SENP7: variants seen among roughly 807,000 people sequenced by gnomAD.
SENP7 encodes the protein SUMO specific peptidase 7.
A neutral mutation model predicts 141.2 loss-of-function variants in SENP7; 64 were observed. The ratio of observed to expected loss-of-function variants is 0.45; its 90% CI spans 0.37 to 0.56. SENP7 has a LOEUF of 0.56. Ranked by LOEUF, SENP7 falls within the 20% of genes least tolerant of loss-of-function variation. The pLI is 0.00. For missense variants in SENP7, 1,025 were observed against 1,212.2 expected (o/e 0.85, Z 2.29); for synonymous variants, 382 against 426.4 (o/e 0.90, Z 1.28).
intron 3 of SENP7, among the ~76,000 whole-genome samples, chr3:101,460,834 C>T (rs1197209018): frequency 6.6e-6 from 1 of 152,072 alleles, no homozygotes; most frequent in East Asian, 1.9e-4. Flanking sequence ...CAATGGCTCA[C>T]ACCTGTAATC....
intron 6 of SENP7, among the ~76,000 whole-genome samples, chr3:101,391,163 C>A (rs2060804449): frequency 1.3e-5 from 2 of 151,144 alleles, no homozygotes; most frequent in South Asian, 4.2e-4. Flanking sequence ...AATAAACAAC[C>A]AAATGATGCA....
intron 4 of SENP7, among the ~76,000 whole-genome samples, chr3:101,456,912 C>T (rs949434143): frequency 1.3e-5 from 2 of 151,264 alleles, no homozygotes; most frequent in African/African-American, 4.8e-5. Context: ...CAGGTGTGAG[C>T]CACTGCGCCT....
At chr3:101,445,768 T>C (rs1329640370) in intron 4 of SENP7, among the ~76,000 whole-genome samples, 1 of 152,138 alleles carries the variant, frequency 6.6e-6, no homozygotes, top group Non-Finnish European at 1.5e-5. Flanking sequence ...AAATAGACAT[T>C]CAGTCAAAAA....
chr3:101,423,677 C>A lies in SENP7; in HGVS notation c.285-5887G>T, dbSNP rs375608412. On this transcript the variant is annotated intron_variant, in intron 4 of 23. Coordinates refer to ENST00000394095, the MANE Select transcript of SENP7 (RefSeq NM_020654.5). Reference sequence around the variant, plus strand: ...TCCTAATAGATCTTCAGAGGGAAGGCACAGAGACTGGATGGAGGGAAGACA... The same window carrying A: ...TCCTAATAGATCTTCAGAGGGAAGGAACAGAGACTGGATGGAGGGAAGACA... 5.9e-5 allele frequency among the ~76,000 whole-genome samples: 9 copies of A among 152,208 alleles called. No homozygotes were observed. In the South Asian group the frequency reaches 1.7e-3, roughly 28 times the overall value.
At chr3:101,454,798 T>C (rs1184515953) in intron 4 of SENP7, among the ~76,000 whole-genome samples, 1 of 152,166 alleles carries the variant, frequency 6.6e-6, no homozygotes, top group Admixed American at 6.5e-5. Flanking sequence ...AATCAAATCT[T>C]ATAGAGACAG....
chr3:101,508,766 C>A (rs1030179404), intron 1 of SENP7, among the ~76,000 whole-genome samples: 6 of 152,106 alleles, frequency 3.9e-5, no homozygotes, highest in Non-Finnish European at 8.8e-5. Context: ...AAATTAAACT[C>A]ATTTTTCTTC....
intron 2 of SENP7, among the ~76,000 whole-genome samples, chr3:101,494,395 C>T (rs1213647334): frequency 6.6e-6 from 1 of 152,126 alleles, no homozygotes; most frequent in Non-Finnish European, 1.5e-5. Context: ...TACAAAACTA[C>T]AACCCAACCA....
intron 19 of SENP7, among the ~76,000 whole-genome samples, chr3:101,331,482 A>T (rs1299972601): frequency 1.3e-5 from 2 of 151,406 alleles, no homozygotes; most frequent in Non-Finnish European, 2.9e-5. Context: ...AAAAAAAAAA[A>T]AAAGTATGTT....
rs2060041359 is a variant in SENP7 at position 101,366,512 on chromosome 3, A to G, written c.1236T>C (p.Asp412=). The G allele has an allele frequency of 6.2e-7, 1 of 1,613,752 alleles. No individual in the cohort carries two copies. The highest frequency in any genetic ancestry group is 1.1e-5 in the South Asian group (1 of 91,074). ...TTTCTATGGTATTCAACTCATTCTCATCCTTCTCAACCAGGGAAGAAATCC... is the reference window on the plus strand; with the variant it reads ...TTTCTATGGTATTCAACTCATTCTCGTCCTTCTCAACCAGGGAAGAAATCC... ...IVGISSLVEK[D]ENELNTIEKP... is the part of the protein sequence containing the mutation. Residue 412 remains aspartate, a synonymous_variant, in exon 9 of 24, where the codon GAT becomes GAC. Coordinates refer to ENST00000394095, the MANE Select transcript of SENP7 (RefSeq NM_020654.5).
rs982851234 is a variant in SENP7 at position 101,351,647 on chromosome 3, G to C, written c.1628C>G (p.Thr543Arg). Residue 543 changes from threonine to arginine, a missense_variant, in exon 12 of 24, where the codon ACA (threonine) becomes AGA (arginine). Physicochemically the swap from Thr to Arg is moderately conservative, Grantham distance 71 (BLOSUM62 -1). Transcript: ENST00000394095. ...KGASKGCVTI[T>R]KKYIKIPFQV... The stretch of plus-strand genomic sequence containing the variant: ...AAATGGGATCTTAATATATTTTTTT[G>C]TGATCTGAAGAAAAAATTAAAAAGC... The C allele has an allele frequency of 1.5e-6, 2 of 1,342,634 alleles. No individual in the cohort carries two copies. The highest frequency in any genetic ancestry group is 2.0e-6 in the Non-Finnish European group (2 of 1,025,172). 83.2% of individuals were successfully genotyped at this position (1,342,634 alleles called of 1,614,324 possible).
At chr3:101,358,221 C>G (rs2059796095) in intron 11 of SENP7, 1 of 807,264 alleles carries the variant, frequency 1.2e-6, no homozygotes, top group Admixed American at 2.2e-5. Context: ...TCAAGCCTCA[C>G]TAAACATAAG....
At chr3:101,331,470 TAAA>T (rs56780926) in intron 19 of SENP7, among the ~76,000 whole-genome samples, 2 of 137,324 alleles carry the variant, frequency 1.5e-5, no homozygotes, top group Non-Finnish European at 3.1e-5. Context: ...CAACGTCTCT[TAAA>T]AAAAAAAAAA....
At chr3:101,500,094 G>T in intron 2 of SENP7, among the ~76,000 whole-genome samples, 1 of 152,068 alleles carries the variant, frequency 6.6e-6, no homozygotes, top group East Asian at 1.9e-4. Flanking sequence ...CTTCCTTTAT[G>T]ACTTCTTCTC....
At chr3:101,434,719 C>T (rs1345070576) in intron 4 of SENP7, among the ~76,000 whole-genome samples, 9 of 152,044 alleles carry the variant, frequency 5.9e-5, no homozygotes, top group Middle Eastern at 3.4e-3. Flanking sequence ...GATTGAACCA[C>T]GAAGAAATCC....
intron 6 of SENP7, among the ~76,000 whole-genome samples, chr3:101,391,012 A>G (rs1291111600): frequency 6.6e-6 from 1 of 152,152 alleles, no homozygotes; most frequent in African/African-American, 2.4e-5. Context: ...CAAGGGAAAA[A>G]ATAAAAAATA....
chr3:101,415,936 C>T (rs1046097723), intron 5 of SENP7, among the ~76,000 whole-genome samples: 3 of 151,480 alleles, frequency 2.0e-5, no homozygotes, highest in African/African-American at 7.3e-5. Flanking sequence ...AATTTTCTAC[C>T]GCCCCCCAAA....
chr3:101,467,861 C>T (rs1302563209), intron 3 of SENP7, among the ~76,000 whole-genome samples: 1 of 152,116 alleles, frequency 6.6e-6, no homozygotes. Flanking sequence ...ATGACTTTAA[C>T]GAGCTGACAG....
At chr3:101,377,995 T>C (rs779851228) in intron 6 of SENP7, among the ~76,000 whole-genome samples, 23 of 152,146 alleles carry the variant, frequency 1.5e-4, no homozygotes, top group Non-Finnish European at 3.2e-4. Flanking sequence ...AACTTCCACA[T>C]GCCTAGCGTT....
intron 3 of SENP7, among the ~76,000 whole-genome samples, chr3:101,471,549 C>A (rs1246507174): frequency 6.6e-6 from 1 of 152,118 alleles, no homozygotes; most frequent in African/African-American, 2.4e-5. Context: ...CATAAAAACC[C>A]TAGAAGAAAA....
Sources: gnomAD v4.1 joint callset for allele counts (sites outside exome capture counted in the v4.1 genomes callset) on GRCh38, gnomAD v4.1.1 for gene constraint, MANE v1.5 for transcripts, NCBI Gene and HGNC (gene_info 2026-07-23, HGNC 2026-07-21) for gene names.